Variants in XPO7 observed in about 807,000 individuals in gnomAD.
XPO7 encodes exportin 7.
XPO7 carries 21 observed loss-of-function variants against 144.3 expected under a neutral mutation model. The ratio of observed to expected loss-of-function variants is 0.15; its 90% CI spans 0.10 to 0.21. The LOEUF (loss-of-function observed/expected upper bound fraction) is 0.21, where lower values mean the gene tolerates loss of function less well. XPO7 is among the 10% of genes least tolerant of loss of function. The probability of loss-of-function intolerance (pLI) is 1.00; values close to 1 mark genes in which losing one functional copy is unlikely to be tolerated. For missense variants in XPO7, 808 were observed against 1,325.8 expected, an observed-to-expected ratio of 0.61 and a Z score of 6.06; for synonymous variants, 580 against 499.6, an observed-to-expected ratio of 1.16 and a Z score of -2.15.
intron 1 of XPO7, chr8:21,921,738 T>C (rs901986134): frequency 2.0e-5 from 3 of 152,242 alleles, no homozygotes; most frequent in Non-Finnish European, 4.4e-5. Context: ...ATCAGTGTTT[T>C]ATTGGTACCC....
At chr8:21,924,599 A>G (rs1295305304) in intron 1 of XPO7, among the ~76,000 whole-genome samples, 4 of 152,146 alleles carry the variant, frequency 2.6e-5, no homozygotes, top group East Asian at 1.9e-4. Context: ...GATTTATTTC[A>G]TAATATGATG....
At chr8:22,000,373 T>C (rs1813098245) in intron 24 of XPO7, among the ~76,000 whole-genome samples, 1 of 152,120 alleles carries the variant, frequency 6.6e-6, no homozygotes, top group African/African-American at 2.4e-5. Context: ...AAAGGTTTCA[T>C]GCAGCTAGCT....
At chr8:21,925,602 A>G (rs894279655) in intron 1 of XPO7, among the ~76,000 whole-genome samples, 3 of 152,188 alleles carry the variant, frequency 2.0e-5, no homozygotes, top group South Asian at 2.1e-4. Context: ...GGGGGATACC[A>G]GTATTAACTG....
intron 1 of XPO7, among the ~76,000 whole-genome samples, chr8:21,957,981 T>C (rs1259510173): frequency 6.6e-6 from 1 of 152,106 alleles, no homozygotes; most frequent in Non-Finnish European, 1.5e-5. Context: ...TGTCTATGTC[T>C]AGTTCCTAAG....
At chr8:21,978,763 A>C (rs1485098214) in intron 8 of XPO7, among the ~76,000 whole-genome samples, 1 of 152,202 alleles carries the variant, frequency 6.6e-6, no homozygotes, top group Non-Finnish European at 1.5e-5. Flanking sequence ...AGGGCTGGAC[A>C]ACAAGAACTA....
At chr8:21,969,747 C>T (rs959948437) in intron 3 of XPO7, 171 bp downstream of exon 3, 6 of 645,554 alleles carry the variant, frequency 9.3e-6, no homozygotes, top group Admixed American at 6.3e-5. Context: ...GTGAAGGGCC[C>T]GACGCAATAA....
intron 16 of XPO7, 57 bp downstream of exon 16, chr8:21,989,140 A>C: frequency 6.7e-7 from 1 of 1,481,686 alleles, no homozygotes; most frequent in Non-Finnish European, 9.4e-7. Context: ...CCACAGTCTT[A>C]GAATCATGGC....
intron 21 of XPO7, among the ~76,000 whole-genome samples, chr8:21,997,505 C>T (rs1453180063): frequency 6.6e-6 from 1 of 152,180 alleles, no homozygotes; most frequent in Non-Finnish European, 1.5e-5. Flanking sequence ...AAACAGAAAA[C>T]ATCTGCACGA....
chr8:22,003,366 G>A (rs766238168), intron 26 of XPO7, 49 bp downstream of exon 26: 67 of 1,446,548 alleles, frequency 4.6e-5, no homozygotes, highest in Middle Eastern at 1.8e-4. Flanking sequence ...TGGCAACCAC[G>A]CACTTGGTAT....
chr8:21,961,021 T>G (rs951108243), intron 1 of XPO7, among the ~76,000 whole-genome samples: 2 of 152,176 alleles, frequency 1.3e-5, no homozygotes, highest in Non-Finnish European at 2.9e-5. Context: ...TCAGTGAATT[T>G]TCACAAACTG....
In XPO7 at chr8:22,006,129, AATGT is replaced by A. The variant is rs1813322728; in HGVS notation, c.*1045_*1048del. The A allele has an allele frequency of 1.3e-5, 2 of 152,206 alleles. No homozygotes were observed. Among genetic ancestry groups the A allele is most frequent in the Admixed American group, 1.3e-4 (2 of 15,278 alleles). The allele number at this position is 152,206 out of a possible 1,614,324, so 9.4% of individuals were successfully genotyped here. ...TTTATATATGTACCCTGCACTCATG[AATGT>A]ATGAACTGGAGGAAGTTACTACAGT... On this transcript the variant is annotated 3_prime_UTR_variant, in exon 28 of 28. Transcript: ENST00000252512.
chr8:22,003,358 G>T, intron 26 of XPO7, 41 bp downstream of exon 26: 2 of 1,500,280 alleles, frequency 1.3e-6, no homozygotes, highest in Non-Finnish European at 1.8e-6. Flanking sequence ...AGAAGCAGTG[G>T]CAACCACGCA....
intron 1 of XPO7, among the ~76,000 whole-genome samples, chr8:21,949,423 G>A (rs1386619962): frequency 6.6e-6 from 1 of 152,174 alleles, no homozygotes; most frequent in East Asian, 1.9e-4. Context: ...ATAATTCTTG[G>A]ATTCTTACTA....
intron 1 of XPO7, among the ~76,000 whole-genome samples, chr8:21,955,068 T>G (rs559384540): frequency 6.6e-6 from 1 of 152,244 alleles, no homozygotes; most frequent in Admixed American, 6.5e-5. Flanking sequence ...CATACATGGT[T>G]GTTTAACACT....
chr8:22,000,453 A>AT (rs34272523), intron 24 of XPO7, among the ~76,000 whole-genome samples: 25,989 of 128,664 alleles, frequency 0.2, 4,232 homozygotes, highest in African/African-American at 0.42. Context: ...CCTTCCAACA[A>AT]TTTTTTTTTT....
At chr8:21,941,208 G>T (rs1473709889) in intron 1 of XPO7, among the ~76,000 whole-genome samples, 1 of 151,194 alleles carries the variant, frequency 6.6e-6, no homozygotes, top group African/African-American at 2.4e-5. Context: ...CACAATCATG[G>T]CTCACTGCTG....
Position 21,987,273 on chromosome 8 carries a change from T to C in XPO7, c.1710T>C (p.Ser570=). ...IYIGDQVQKS[S]KLYRRLSEVL... ...TTGGGGACCAAGTGCAGAAATCCTC[T>C]AAGGTAACAGCCTCTCAATTGGCTC... Residue 570 remains serine (S), a synonymous_variant, in exon 14 of 28, where the codon TCT becomes TCC. Coordinates refer to ENST00000252512, the MANE Select transcript of XPO7 (RefSeq NM_015024.5). 6.2e-7 allele frequency: 1 copy of C among 1,614,042 alleles called. No individual in the cohort carries two copies. The highest frequency in any genetic ancestry group is 8.5e-7 in the Non-Finnish European group (1 of 1,179,890).
chr8:21,932,282 T>C (rs999407475), intron 1 of XPO7, among the ~76,000 whole-genome samples: 1 of 152,188 alleles, frequency 6.6e-6, no homozygotes, highest in Admixed American at 6.5e-5. Context: ...CAAATTGATA[T>C]TTTACAAAAC....
intron 1 of XPO7, among the ~76,000 whole-genome samples, chr8:21,962,645 A>T (rs1398751628): frequency 6.6e-6 from 1 of 152,204 alleles, no homozygotes; most frequent in East Asian, 1.9e-4. Context: ...AGGTTACAGA[A>T]ATTGAAAGTC....
Sources: gnomAD v4.1 joint callset for allele counts (sites outside exome capture counted in the v4.1 genomes callset) on GRCh38, gnomAD v4.1.1 for gene constraint, MANE v1.5 for transcripts, NCBI Gene and HGNC (gene_info 2026-07-23, HGNC 2026-07-21) for gene names.